The following DLEC1 variants were observed in gnomAD, a reference collection of about 807,000 sequenced individuals.
The protein encoded by DLEC1 is deleted in lung and esophageal cancer protein 1.
A neutral mutation model predicts 198.1 loss-of-function variants in DLEC1; 146 were observed. That is an observed-to-expected ratio of 0.74 (90% CI 0.64 to 0.85). The LOEUF (loss-of-function observed/expected upper bound fraction) is 0.85. Among genes scored for constraint, DLEC1 ranks in the 40% least tolerant of loss-of-function variants. The pLI is 0.00. For missense variants in DLEC1, 2,233 were observed against 2,220.0 expected (o/e 1.01, Z -0.12); for synonymous variants, 897 against 866.8 (o/e 1.03, Z -0.61).
Position 38,121,840 on chromosome 3 carries a change from C to A in DLEC1, c.5020+59C>A, listed in dbSNP as rs540543622. On this transcript the variant is annotated intron_variant, in intron 35 of 36. Coordinates refer to ENST00000308059, the MANE Select transcript of DLEC1 (RefSeq NM_007335.4). ...CCTACAGGGCTGTGCCAAGAGAAGA[C>A]CCCCCAGGAAGGGGCCCCTGTGCGC... 108 of 1,583,780 alleles carry A rather than the reference C, an allele frequency of 6.8e-5. 3 individuals are homozygous for A. The East Asian group carries it at 2.2e-3, about 32-fold the overall frequency.
intron 22 of DLEC1, 135 bp from the exon 23 acceptor site, chr3:38,109,964 G>T: frequency 9.8e-7 from 1 of 1,018,996 alleles, no homozygotes; most frequent in South Asian, 1.6e-5. Context: ...GTGGTTGGCA[G>T]CTCAATGAAA....
chr3:38,056,063 AC>A (rs1696348477), intron 2 of DLEC1, among the ~76,000 whole-genome samples: 2 of 2,916 alleles, frequency 6.9e-4, no homozygotes, highest in Non-Finnish European at 1.2e-3. Flanking sequence ...TACAAAAAAT[AC>A]ACACACACAC....
chr3:38,095,490 C>A, intron 13 of DLEC1: 1 of 302,780 alleles, frequency 3.3e-6, no homozygotes, highest in Non-Finnish European at 6.3e-6. Flanking sequence ...GGAATTCGAG[C>A]TGGGCATGAA....
chr3:38,097,257 C>T lies in DLEC1; in HGVS notation c.2416C>T (p.Pro806Ser). ...ISDCHIIEVE[P>S]GTGVIEPSEV... ...CGACTGCCACATCATTGAAGTGGAGCCCGGCACAGGGGTCATAGGTACCTT... is the reference window on the plus strand; with the variant it reads ...CGACTGCCACATCATTGAAGTGGAGTCCGGCACAGGGGTCATAGGTACCTT... The change falls in exon 16 of 37, where the codon CCC becomes TCC. Residue 806 changes from proline (P) to serine (S), a missense_variant. Coordinates refer to ENST00000308059, the MANE Select transcript of DLEC1 (RefSeq NM_007335.4). 6.3e-7 allele frequency: 1 copy of T among 1,583,124 alleles called. No individual in the cohort carries two copies. Among genetic ancestry groups the T allele is most frequent in the Non-Finnish European group, 8.6e-7 (1 of 1,163,322 alleles).
intron 18 of DLEC1, among the ~76,000 whole-genome samples, chr3:38,099,183 C>G (rs1449759989): frequency 6.6e-6 from 1 of 152,168 alleles, no homozygotes; most frequent in African/African-American, 2.4e-5. Flanking sequence ...ATTCCAGTCC[C>G]CTGCACTTCT....
intron 7 of DLEC1, among the ~76,000 whole-genome samples, chr3:38,084,604 A>AGTGGTGGTG (rs1698333385): frequency 9.4e-5 from 1 of 10,692 alleles, no homozygotes; most frequent in Non-Finnish European, 2.2e-4. Context: ...TAGTAGTAGC[A>AGTGGTGGTG]GTAGCAGTAG....
chr3:38,083,081 T>C (rs1307851175), intron 6 of DLEC1, among the ~76,000 whole-genome samples: 1 of 150,392 alleles, frequency 6.6e-6, no homozygotes, highest in Non-Finnish European at 1.5e-5. Context: ...TGAGGGAGGT[T>C]GGAGAAGAGA....
chr3:38,117,491 G>T, intron 31 of DLEC1, 36 bp from the exon 32 acceptor site: 2 of 1,613,566 alleles, frequency 1.2e-6, no homozygotes, highest in East Asian at 2.2e-5. Flanking sequence ...GGCCCCAGGC[G>T]CCCGGCTTGC....
chr3:38,075,354 G>T (rs1373892945), intron 6 of DLEC1, among the ~76,000 whole-genome samples: 1 of 152,118 alleles, frequency 6.6e-6, no homozygotes, highest in Non-Finnish European at 1.5e-5. Context: ...GCCATTTTCT[G>T]GCCATTTAGA....
At chr3:38,117,173 C>G in intron 30 of DLEC1, 35 bp from the exon 31 acceptor site, 1 of 1,614,112 alleles carries the variant, frequency 6.2e-7, no homozygotes, top group South Asian at 1.1e-5. Context: ...CTACTCAGCC[C>G]AGGGATCAGC....
At chr3:38,102,050 C>T (rs1023048262) in intron 19 of DLEC1, among the ~76,000 whole-genome samples, 3 of 152,164 alleles carry the variant, frequency 2.0e-5, no homozygotes, top group Admixed American at 1.3e-4. Context: ...AATCCAAGGG[C>T]CCAACACTTT....
At chr3:38,101,190 G>A (rs1699287304) in intron 19 of DLEC1, among the ~76,000 whole-genome samples, 1 of 152,098 alleles carries the variant, frequency 6.6e-6, no homozygotes, top group African/African-American at 2.4e-5. Context: ...GGGCATGGTG[G>A]CTCACGCCTG....
At chr3:38,069,150 G>A (rs1697182684) in intron 6 of DLEC1, among the ~76,000 whole-genome samples, 1 of 152,114 alleles carries the variant, frequency 6.6e-6, no homozygotes, top group African/African-American at 2.4e-5. Flanking sequence ...TGGGGCCAGG[G>A]GAAGAGGGCA....
chr3:38,051,740 G>C, intron 2 of DLEC1: 1 of 177,086 alleles, frequency 5.6e-6, no homozygotes, highest in Non-Finnish European at 1.3e-5. Flanking sequence ...TATTAGAAAA[G>C]TCTAGAAATT....
rs538808707 is a variant in DLEC1, at chr3:38,110,820, A to G, written c.3443+539A>G. Among the ~76,000 whole-genome samples, 4 of 152,146 alleles carry G rather than the reference A, an allele frequency of 2.6e-5. No homozygotes were observed. The East Asian group carries it at 7.7e-4, about 29-fold the overall frequency. On this transcript the variant is annotated intron_variant, in intron 23 of 36. Coordinates refer to ENST00000308059, the MANE Select transcript of DLEC1 (RefSeq NM_007335.4). ...CATATACACACACATGCATACACAC[A>G]TACATATACACATGCATACACACAT...
chr3:38,054,065 G>C (rs572111945), intron 2 of DLEC1, among the ~76,000 whole-genome samples: 2 of 151,802 alleles, frequency 1.3e-5, no homozygotes, highest in African/African-American at 4.8e-5. Context: ...GCGGAAGGCC[G>C]CAGGGTCCTC....
chr3:38,121,553 G>T, intron 34 of DLEC1, 75 bp from the exon 35 acceptor site: 1 of 1,534,768 alleles, frequency 6.5e-7, no homozygotes, highest in Non-Finnish European at 8.7e-7. Flanking sequence ...CTTGGGGTCA[G>T]CAGGGTTCTG....
In DLEC1 at chr3:38,093,885, A is replaced by G. The variant is rs1237993664; in HGVS notation, c.1919+118A>G. ...CTGGGGAAGACTGGGCACAGAATGG[A>G]TATCCAAATTCAATTGAGGGATCCA... On this transcript the variant is annotated intron_variant, in intron 12 of 36. Coordinates refer to ENST00000308059, the MANE Select transcript of DLEC1 (RefSeq NM_007335.4). 4 of 1,329,700 alleles carry G rather than the reference A, an allele frequency of 3.0e-6. No homozygotes were observed. In the African/African-American group the frequency reaches 5.9e-5, roughly 20 times the overall value. 82.4% of individuals were successfully genotyped at this position (1,329,700 alleles called of 1,614,324 possible). A position where few individuals can be genotyped will look rare whatever the true frequency, so the allele number is the denominator to read the frequency against.
intron 19 of DLEC1, among the ~76,000 whole-genome samples, chr3:38,104,713 A>G (rs1268834483): frequency 3.3e-5 from 5 of 152,130 alleles, no homozygotes; most frequent in Non-Finnish European, 7.3e-5. Flanking sequence ...AAGGTTTATC[A>G]ATGTTGGTGA....
Sources: allele counts gnomAD v4.1 joint callset (sites outside exome capture counted in the v4.1 genomes callset), GRCh38; gene constraint gnomAD v4.1.1; transcripts MANE v1.5; gene names NCBI Gene and HGNC (gene_info 2026-07-23, HGNC 2026-07-21).